PKIG: variants seen among roughly 807,000 people sequenced by gnomAD.
PKIG encodes protein kinase (cAMP-dependent, catalytic) inhibitor gamma.
A neutral mutation model predicts 6.8 loss-of-function variants in PKIG; 1 was observed. The observed-to-expected ratio is 0.15, with a 90% CI of 0.05 to 0.69. The LOEUF (loss-of-function observed/expected upper bound fraction) is 0.69. Ranked by LOEUF, PKIG falls within the 30% of genes least tolerant of loss-of-function variation. The pLI is 0.82. For synonymous variants in PKIG, 39 were observed against 43.0 expected, an observed-to-expected ratio of 0.91 and a Z score of 0.36; for missense variants, 77 against 104.0, an observed-to-expected ratio of 0.74 and a Z score of 1.13.
At chr20:44,541,767 G>A (rs1449293632) in intron 1 of PKIG, among the ~76,000 whole-genome samples, 1 of 148,212 alleles carries the variant, frequency 6.7e-6, no homozygotes, top group Admixed American at 6.8e-5. Flanking sequence ...ACGGCTCACT[G>A]CAGCCTCGCC....
chr20:44,607,369 A>G (rs2065173378), intron 2 of PKIG, among the ~76,000 whole-genome samples: 1 of 115,094 alleles, frequency 8.7e-6, no homozygotes, highest in Non-Finnish European at 1.7e-5. Flanking sequence ...GTATATATAT[A>G]TATATATATT....
chr20:44,561,289 A>T (rs1258873702), intron 1 of PKIG, among the ~76,000 whole-genome samples: 1 of 152,202 alleles, frequency 6.6e-6, no homozygotes, highest in Admixed American at 6.5e-5. Context: ...GTGAGCCGAG[A>T]TCGCACCAGT....
intron 1 of PKIG, among the ~76,000 whole-genome samples, chr20:44,536,177 G>C (rs1258405506): frequency 6.6e-6 from 1 of 152,180 alleles, no homozygotes; most frequent in Admixed American, 6.5e-5. Context: ...ATATTCCATT[G>C]CATGTTTATA....
rs142221979 is a variant in PKIG, at chr20:44,608,569, G to A, written c.-23-5965G>A. On this transcript the variant is annotated intron_variant, in intron 2 of 3. Transcript: ENST00000372886. ...TGTAATCCCAACACTTTGGAAGTCC[G>A]AGGCAGGAGGATCACTTGAGCCCAG... is the stretch of plus-strand genomic sequence containing the variant. Among the ~76,000 whole-genome samples, 31 of 152,278 alleles carry A rather than the reference G, an allele frequency of 2.0e-4. No homozygotes were observed. In the East Asian group the frequency reaches 5.4e-3, roughly 27 times the overall value.
chr20:44,598,896 A>C (rs1025377091), intron 2 of PKIG: 1 of 152,184 alleles, frequency 6.6e-6, no homozygotes, highest in Non-Finnish European at 1.5e-5. Flanking sequence ...AGGAGGTAAG[A>C]GTTTTAAAAA....
At chr20:44,550,917 C>T (rs6130635) in intron 1 of PKIG, among the ~76,000 whole-genome samples, 1 of 152,096 alleles carries the variant, frequency 6.6e-6, no homozygotes, top group Non-Finnish European at 1.5e-5. Context: ...CAATGAGCAC[C>T]TGTATCAAAA....
At chr20:44,586,919 C>A (rs921752071) in intron 1 of PKIG, among the ~76,000 whole-genome samples, 2 of 152,158 alleles carry the variant, frequency 1.3e-5, no homozygotes, top group Non-Finnish European at 2.9e-5. Flanking sequence ...AAAGAAGTCT[C>A]TTTAATGTTT....
In PKIG at chr20:44,603,597, G is replaced by A. The variant is rs990527308; in HGVS notation, c.-23-10937G>A. Among the ~76,000 whole-genome samples, 9 of 152,262 alleles carry A rather than the reference G, an allele frequency of 5.9e-5. No individual in the cohort carries two copies. In the South Asian group the frequency reaches 1.2e-3, roughly 21 times the overall value. ...GAGCTCTGGACCGGGAGTTAGGACC[G>A]CTAGATCAAGAACCCTGGGCAAGTG... On this transcript the variant is annotated intron_variant, in intron 2 of 3. Coordinates refer to ENST00000372886, the MANE Select transcript of PKIG (RefSeq NM_001281445.2).
At chr20:44,612,549 A>G (rs1275080448) in intron 2 of PKIG, among the ~76,000 whole-genome samples, 1 of 152,226 alleles carries the variant, frequency 6.6e-6, no homozygotes, top group Non-Finnish European at 1.5e-5. Flanking sequence ...AATGAGAGAT[A>G]CTAGTATCCC....
chr20:44,562,808 C>A (rs2064779408), intron 1 of PKIG, among the ~76,000 whole-genome samples: 4 of 152,040 alleles, frequency 2.6e-5, no homozygotes, highest in Admixed American at 2.6e-4. Flanking sequence ...CCTGTAATCC[C>A]ACCACTTTGG....
intron 2 of PKIG, among the ~76,000 whole-genome samples, chr20:44,600,520 C>G (rs1224104665): frequency 6.6e-6 from 1 of 151,938 alleles, no homozygotes; most frequent in Non-Finnish European, 1.5e-5. Flanking sequence ...GGAGAGAGGT[C>G]AGCAGATTCA....
chr20:44,588,412 C>T (rs952398505), intron 1 of PKIG, among the ~76,000 whole-genome samples: 4 of 152,062 alleles, frequency 2.6e-5, no homozygotes, highest in African/African-American at 2.4e-5. Context: ...GAGGCCAAGG[C>T]GAGTGGATCA....
At chr20:44,549,791 C>T (rs948090542) in intron 1 of PKIG, among the ~76,000 whole-genome samples, 7 of 152,132 alleles carry the variant, frequency 4.6e-5, no homozygotes, top group African/African-American at 1.7e-4. Context: ...CCCCACTGCA[C>T]CCCAGCCTGG....
At chr20:44,548,314 G>A (rs1186075552) in intron 1 of PKIG, among the ~76,000 whole-genome samples, 1 of 152,170 alleles carries the variant, frequency 6.6e-6, no homozygotes, top group Non-Finnish European at 1.5e-5. Context: ...GAGGGACCAT[G>A]TTTCTGGAGG....
chr20:44,566,147 A>G (rs1334545778), intron 1 of PKIG, among the ~76,000 whole-genome samples: 4 of 152,206 alleles, frequency 2.6e-5, no homozygotes, highest in African/African-American at 9.7e-5. Context: ...TTGGGAAACT[A>G]TGGCCTGCAG....
intron 2 of PKIG, among the ~76,000 whole-genome samples, chr20:44,594,966 T>A (rs1200662097): frequency 6.6e-6 from 1 of 152,232 alleles, no homozygotes; most frequent in Non-Finnish European, 1.5e-5. Flanking sequence ...TGACCTGTTC[T>A]GACTCAGGGC....
chr20:44,569,514 C>CT (rs1349847177), intron 1 of PKIG, among the ~76,000 whole-genome samples: 2 of 152,054 alleles, frequency 1.3e-5, no homozygotes, highest in Non-Finnish European at 2.9e-5. Flanking sequence ...TACTTTAATG[C>CT]TTTTTTGTAA....
intron 2 of PKIG, among the ~76,000 whole-genome samples, chr20:44,593,898 C>A (rs2065054758): frequency 6.6e-6 from 1 of 152,044 alleles, no homozygotes; most frequent in South Asian, 2.1e-4. Flanking sequence ...AAGAATCTGC[C>A]CAGGTCACAG....
intron 1 of PKIG, among the ~76,000 whole-genome samples, chr20:44,536,330 C>G (rs2064511924): frequency 6.6e-6 from 1 of 152,132 alleles, no homozygotes; most frequent in Non-Finnish European, 1.5e-5. Flanking sequence ...TATTCTGTTC[C>G]TCATTGCCCT....
Sources: allele counts gnomAD v4.1 joint callset (sites outside exome capture counted in the v4.1 genomes callset), GRCh38; gene constraint gnomAD v4.1.1; transcripts MANE v1.5; gene names NCBI Gene and HGNC (gene_info 2026-07-23, HGNC 2026-07-21).